IKZF2: variants seen among roughly 807,000 people sequenced by gnomAD.
IKZF2 encodes the protein zinc finger protein Helios.
In IKZF2, 15 loss-of-function variants were observed where a neutral mutation model predicts 49.2. The observed-to-expected ratio is 0.30, with a 90% confidence interval of 0.20 to 0.47. IKZF2 has a LOEUF of 0.47. IKZF2 is among the 20% of genes least tolerant of loss of function. The probability of loss-of-function intolerance (pLI) is 1.00; values close to 1 mark genes in which losing one functional copy is unlikely to be tolerated. For missense variants in IKZF2, 567 were observed against 664.6 expected, an observed-to-expected ratio of 0.85 and a Z score of 1.61; for synonymous variants, 227 against 221.4, an observed-to-expected ratio of 1.03 and a Z score of -0.23.
intron 4 of IKZF2, among the ~76,000 whole-genome samples, chr2:213,078,165 A>G (rs1399424909): frequency 2.0e-5 from 3 of 152,194 alleles, no homozygotes; most frequent in Non-Finnish European, 4.4e-5. Flanking sequence ...ATGTTTTGCT[A>G]TATTATTTTA....
chr2:213,029,696 G>A (rs1698199519), intron 6 of IKZF2, among the ~76,000 whole-genome samples: 1 of 151,824 alleles, frequency 6.6e-6, no homozygotes. Context: ...CCCTGTTTTG[G>A]GTTTCAATTT....
intron 4 of IKZF2, among the ~76,000 whole-genome samples, chr2:213,124,276 AC>A (rs1559304665): frequency 2.7e-5 from 4 of 147,222 alleles, no homozygotes; most frequent in African/African-American, 1.1e-4. Flanking sequence ...ACACACACAC[AC>A]ACACACACAC....
rs1697286605 is a variant in IKZF2, at chr2:213,022,049, TG to T, written c.655del (p.His219ThrfsTer16). Reference sequence around the variant, plus strand: ...CATGCTGACATTCTGGAGATAGTTGTGGCAGCGTTCCTTGTGCTCCTCCAGT... The same window carrying T: ...CATGCTGACATTCTGGAGATAGTTGTGCAGCGTTCCTTGTGCTCCTCCAGT... The part of the protein sequence containing the change: ...SSLEEHKERC[H>X]NYLQNVSMEA... On this transcript the variant is annotated frameshift_variant, in exon 7 of 9. Coordinates refer to ENST00000434687, the MANE Select transcript of IKZF2 (RefSeq NM_001387220.1). LOFTEE classifies it high-confidence loss of function. The T allele has an allele frequency of 6.2e-7, 1 of 1,613,822 alleles. No homozygotes were observed. The highest frequency in any genetic ancestry group is 1.1e-5 in the South Asian group (1 of 91,072).
intron 4 of IKZF2, among the ~76,000 whole-genome samples, chr2:213,143,132 A>T (rs1164352739): frequency 6.6e-6 from 1 of 151,990 alleles, no homozygotes; most frequent in Non-Finnish European, 1.5e-5. Context: ...AAATATTCAA[A>T]ATATATCAAC....
At chr2:213,081,034 C>A (rs75021042) in intron 4 of IKZF2, 1,723 of 154,470 alleles carry the variant, frequency 0.011, 28 homozygotes, top group African/African-American at 0.039. Context: ...ATTAGAGTTT[C>A]TATTTATATG....
intron 6 of IKZF2, among the ~76,000 whole-genome samples, chr2:213,026,783 C>T (rs982133257): frequency 6.6e-6 from 1 of 151,946 alleles, no homozygotes; most frequent in African/African-American, 2.4e-5. Flanking sequence ...GCTTATTTTA[C>T]TGAACAATAT....
intron 6 of IKZF2, among the ~76,000 whole-genome samples, chr2:213,037,791 C>T (rs761756997): frequency 2.0e-5 from 3 of 152,064 alleles, no homozygotes; most frequent in Non-Finnish European, 4.4e-5. Flanking sequence ...TCAGCCACCT[C>T]CAGGAAGGAA....
In IKZF2 at chr2:213,129,885, T is replaced by C. The variant is rs547280324; in HGVS notation, c.139+17823A>G. 2.6e-5 allele frequency among the ~76,000 whole-genome samples: 4 copies of C among 152,302 alleles called. No homozygotes were observed. In the East Asian group the frequency reaches 7.7e-4, roughly 29 times the overall value. ...CCAAGGATTTCTGATAGACTGGATGTGGGATTTCCTTTGAGGAAAGAAACA... is the reference window on the plus strand; with the variant it reads ...CCAAGGATTTCTGATAGACTGGATGCGGGATTTCCTTTGAGGAAAGAAACA... On this transcript the variant is annotated intron_variant, in intron 4 of 8. Transcript: ENST00000434687.
At chr2:213,074,639 A>G (rs1703064749) in intron 4 of IKZF2, among the ~76,000 whole-genome samples, 2 of 152,270 alleles carry the variant, frequency 1.3e-5, no homozygotes, top group South Asian at 2.1e-4. Flanking sequence ...GCTTACATAC[A>G]TATTTTTTAG....
At chr2:213,018,016 A>T (rs1198802714) in intron 7 of IKZF2, among the ~76,000 whole-genome samples, 1 of 152,178 alleles carries the variant, frequency 6.6e-6, no homozygotes, top group African/African-American at 2.4e-5. Flanking sequence ...TATACTGTGA[A>T]AAAGAACCTC....
At chr2:213,073,110 T>G (rs1051492229) in intron 4 of IKZF2, among the ~76,000 whole-genome samples, 18 of 152,190 alleles carry the variant, frequency 1.2e-4, no homozygotes, top group Non-Finnish European at 1.9e-4. Context: ...TAAGGTCTAC[T>G]TAATACGTCA....
chr2:213,143,344 G>A (rs999484532), intron 4 of IKZF2, among the ~76,000 whole-genome samples: 1 of 151,872 alleles, frequency 6.6e-6, no homozygotes, highest in Non-Finnish European at 1.5e-5. Context: ...TTTGAAAACG[G>A]ACTTTAATTC....
At chr2:213,065,048 T>C (rs997498361) in intron 4 of IKZF2, among the ~76,000 whole-genome samples, 7 of 151,996 alleles carry the variant, frequency 4.6e-5, no homozygotes, top group Non-Finnish European at 8.8e-5. Context: ...ATGAGTCTTT[T>C]AGTTACTCAT....
intron 4 of IKZF2, among the ~76,000 whole-genome samples, chr2:213,090,523 A>G (rs1186063178): frequency 2.6e-5 from 4 of 152,234 alleles, no homozygotes; most frequent in Non-Finnish European, 5.9e-5. Flanking sequence ...GAAGACAATT[A>G]TACAATAAAA....
chr2:213,133,386 A>T (rs1197432151), intron 4 of IKZF2, among the ~76,000 whole-genome samples: 1 of 152,298 alleles, frequency 6.6e-6, no homozygotes, highest in East Asian at 1.9e-4. Context: ...TTCTTTATAT[A>T]CCACAGAGGG....
At position 213,150,248 on chromosome 2, in the gene IKZF2, C is replaced by T. The variant is rs2061234801; in HGVS notation, c.-119-1G>A. 1.7e-6 allele frequency: 2 copies of T among 1,149,600 alleles called. No individual in the cohort carries two copies. Among genetic ancestry groups the T allele is most frequent in the Admixed American group, 2.3e-5 (1 of 42,674 alleles). 71.2% of individuals were successfully genotyped at this position (1,149,600 alleles called of 1,614,324 possible). A position where few individuals can be genotyped will look rare whatever the true frequency, so the allele number is the denominator to read the frequency against. On this transcript the variant is annotated splice_acceptor_variant, in intron 1 of 8. Transcript: ENST00000434687. LOFTEE classifies it low-confidence loss of function (5UTR_SPLICE). ...TCAAAGAGGAGGTGACAATGTCGGG[C>T]TGAAGATAAACGGAGGGAGAAAGAA...
intron 6 of IKZF2, 85 bp from the exon 7 acceptor site, chr2:213,022,215 G>T (rs975127491): frequency 1.6e-6 from 2 of 1,276,772 alleles, no homozygotes; most frequent in Non-Finnish European, 2.1e-6. Context: ...ATAGTCTGGA[G>T]GAAGCACTCA....
chr2:213,004,659 G>A lies in IKZF2; in HGVS notation c.*2701C>T, dbSNP rs1370997489. 2 of 151,902 alleles carry A rather than the reference G, an allele frequency of 1.3e-5. No individual in the cohort carries two copies. The highest frequency in any genetic ancestry group is 4.8e-5 in the African/African-American group (2 of 41,390). The allele number at this position is 151,902 out of a possible 1,614,324, so 9.4% of individuals were successfully genotyped here. ...CTTGCGTATTTCCTTTTGAAGAAAA[G>A]GCATGCACATATAACCATCCAGAGT... On this transcript the variant is annotated 3_prime_UTR_variant, in exon 9 of 9. Coordinates refer to ENST00000434687, the MANE Select transcript of IKZF2 (RefSeq NM_001387220.1).
At position 213,002,667 on chromosome 2, in the gene IKZF2, G is replaced by T. The variant is rs964192926; in HGVS notation, c.*4693C>A. On this transcript the variant is annotated 3_prime_UTR_variant, in exon 9 of 9. Coordinates refer to ENST00000434687, the MANE Select transcript of IKZF2 (RefSeq NM_001387220.1). ...GCTTTGGAGAATAGCAATGTGATAT[G>T]ACTGTTCAGTTTTGCTTTGTTCAAG... 6.6e-6 allele frequency: 1 copy of T among 151,862 alleles called. No homozygotes were observed. The highest frequency in any genetic ancestry group is 2.4e-5 in the African/African-American group (1 of 41,362). 9.4% of individuals were successfully genotyped at this position (151,862 alleles called of 1,614,324 possible). A position where few individuals can be genotyped will look rare whatever the true frequency, so the allele number is the denominator to read the frequency against.
Sources: allele counts gnomAD v4.1 joint callset (sites outside exome capture counted in the v4.1 genomes callset), GRCh38; gene constraint gnomAD v4.1.1; transcripts MANE v1.5; gene names NCBI Gene and HGNC (gene_info 2026-07-23, HGNC 2026-07-21).